The following PAK2 variants were observed in gnomAD, a reference collection of about 807,000 sequenced individuals.
PAK2 encodes the protein p21 (RAC1) activated kinase 2, also known as serine/threonine-protein kinase PAK 2.
PAK2 carries 21 observed loss-of-function variants against 65.9 expected under a neutral mutation model. That is an observed-to-expected ratio of 0.32 (90% CI 0.23 to 0.46). The LOEUF is 0.46. Ranked by LOEUF, PAK2 falls within the 20% of genes least tolerant of loss-of-function variation. PAK2 has a pLI of 1.00. For missense variants in PAK2, 324 were observed against 642.6 expected (o/e 0.50, Z 5.36); for synonymous variants, 204 against 219.7 (o/e 0.93, Z 0.63).
At chr3:196,751,741 CTT>C (rs200558658) in intron 1 of PAK2, among the ~76,000 whole-genome samples, 3,910 of 79,216 alleles carry the variant, frequency 0.049, 128 homozygotes, top group African/African-American at 0.11. Flanking sequence ...AAATGAATTT[CTT>C]TTTTTTTTTT....
Position 196,811,325 on chromosome 3 carries a change from TC to T in PAK2, c.773+675del, listed in dbSNP as rs1486338327. On this transcript the variant is annotated intron_variant, in intron 8 of 14. Transcript: ENST00000327134. ...CCTTCCTTCCCTTCCTTTCCTTCCT[TC>T]CCTTCCCTCCCTTCCCTCCCTTCCT... Among the ~76,000 whole-genome samples, 46 of 8,952 alleles carry T rather than the reference TC, an allele frequency of 5.1e-3. 1 individual carries two copies. Among genetic ancestry groups the T allele is most frequent in the African/African-American group, 7.5e-3 (12 of 1,604 alleles). 5.9% of individuals were successfully genotyped at this position (8,952 alleles called of 152,430 possible).
At chr3:196,759,461 T>A (rs954085063) in intron 1 of PAK2, among the ~76,000 whole-genome samples, 2 of 149,192 alleles carry the variant, frequency 1.3e-5, no homozygotes, top group Non-Finnish European at 3.0e-5. Flanking sequence ...TACAGTAAAA[T>A]TCACCCTTTA....
chr3:196,771,923 G>A (rs540431719), intron 1 of PAK2, among the ~76,000 whole-genome samples: 74 of 152,250 alleles, frequency 4.9e-4, no homozygotes, highest in Non-Finnish European at 7.6e-4. Context: ...CATTAATTCT[G>A]TCTAACACTA....
At chr3:196,740,775 TA>T (rs920616224) in intron 1 of PAK2, among the ~76,000 whole-genome samples, 1 of 152,214 alleles carries the variant, frequency 6.6e-6, no homozygotes, top group African/African-American at 2.4e-5. Context: ...AGCTTCAGCC[TA>T]GGGGTGAAAT....
At chr3:196,755,211 ATCAGTCTTGACC>A (rs1713728891) in intron 1 of PAK2, among the ~76,000 whole-genome samples, 1 of 152,196 alleles carries the variant, frequency 6.6e-6, no homozygotes, top group Non-Finnish European at 1.5e-5. Flanking sequence ...AAGTAGTAAC[ATCAGTCTTGACC>A]TTCATCTTTT....
intron 2 of PAK2, among the ~76,000 whole-genome samples, chr3:196,798,879 A>T (rs1312711053): frequency 6.6e-6 from 1 of 152,182 alleles, no homozygotes; most frequent in East Asian, 1.9e-4. Flanking sequence ...CTTGGAATAG[A>T]AGAGAATGCC....
At chr3:196,824,048 GATAGACAA>G (rs1459793168) in intron 13 of PAK2, among the ~76,000 whole-genome samples, 1 of 152,050 alleles carries the variant, frequency 6.6e-6, no homozygotes, top group Non-Finnish European at 1.5e-5. Flanking sequence ...CCAAGCTGAA[GATAGACAA>G]GGCCTCAAGA....
At chr3:196,747,177 TTTTTTGTTGTTAACAA>T (rs939150604) in intron 1 of PAK2, 2 of 151,972 alleles carry the variant, frequency 1.3e-5, no homozygotes, top group African/African-American at 4.8e-5. Flanking sequence ...CCTGCTTTTT[TTTTTTGTTGTTAACAA>T]TGTTAACATT....
intron 1 of PAK2, among the ~76,000 whole-genome samples, chr3:196,749,105 T>A (rs1343689459): frequency 6.6e-6 from 1 of 151,906 alleles, no homozygotes; most frequent in East Asian, 1.9e-4. Context: ...TGAATAGTAT[T>A]CCCATGTGTG....
chr3:196,745,480 G>C (rs1469255042), intron 1 of PAK2, among the ~76,000 whole-genome samples: 1 of 151,786 alleles, frequency 6.6e-6, no homozygotes, highest in Non-Finnish European at 1.5e-5. Context: ...GGGGATAAAA[G>C]AGTTTTAAAA....
intron 10 of PAK2, among the ~76,000 whole-genome samples, chr3:196,813,816 G>T (rs1479067698): frequency 6.6e-6 from 1 of 151,960 alleles, no homozygotes; most frequent in African/African-American, 2.4e-5. Flanking sequence ...TGGGCATGGT[G>T]CCGCACACCT....
chr3:196,754,804 A>C (rs1713716371), intron 1 of PAK2, among the ~76,000 whole-genome samples: 1 of 152,162 alleles, frequency 6.6e-6, no homozygotes, highest in African/African-American at 2.4e-5. Flanking sequence ...AATCTCCCTG[A>C]ATGTATGTTG....
chr3:196,804,072 T>C, intron 4 of PAK2, among the ~76,000 whole-genome samples: 1 of 152,184 alleles, frequency 6.6e-6, no homozygotes, highest in East Asian at 1.9e-4. Flanking sequence ...TCCCTCAGTT[T>C]AGATTTTGCT....
At chr3:196,773,129 G>T (rs1170344883) in intron 1 of PAK2, among the ~76,000 whole-genome samples, 1 of 152,186 alleles carries the variant, frequency 6.6e-6, no homozygotes, top group Admixed American at 6.6e-5. Flanking sequence ...TCGTGTCACA[G>T]TTAAACAGTG....
chr3:196,832,250 C>T lies in PAK2; in HGVS notation c.*3845C>T, dbSNP rs528881407. On this transcript the variant is annotated 3_prime_UTR_variant, in exon 15 of 15. Coordinates refer to ENST00000327134, the MANE Select transcript of PAK2 (RefSeq NM_002577.4). ...ACAGAAGTAATAAGAGAAACAGTTA[C>T]GTGTGGAATTCAACATCTTTGGTTG... The T allele has an allele frequency of 6.6e-6, 1 of 152,058 alleles. No individual in the cohort carries two copies. Among genetic ancestry groups the T allele is most frequent in the Non-Finnish European group, 1.5e-5 (1 of 68,022 alleles). 9.4% of individuals were successfully genotyped at this position (152,058 alleles called of 1,614,324 possible). A position where few individuals can be genotyped will look rare whatever the true frequency, so the allele number is the denominator to read the frequency against.
intron 1 of PAK2, among the ~76,000 whole-genome samples, chr3:196,782,163 G>A (rs1714733984): frequency 6.6e-6 from 1 of 152,038 alleles, no homozygotes; most frequent in South Asian, 2.1e-4. Flanking sequence ...GTAACTACAA[G>A]GTTGGAGTGA....
Position 196,774,403 on chromosome 3 carries a change from T to C in PAK2, c.-21-8223T>C, listed in dbSNP as rs185778182. ...TTAATCCTTTACAATCTTAATACCG[T>C]GTGAATTTGTTTTCCTGTGTAACTC... On this transcript the variant is annotated intron_variant, in intron 1 of 14. Coordinates refer to ENST00000327134, the MANE Select transcript of PAK2 (RefSeq NM_002577.4). 4.6e-5 allele frequency among the ~76,000 whole-genome samples: 7 copies of C among 152,284 alleles called. No homozygotes were observed. The East Asian group carries it at 1.3e-3, about 29-fold the overall frequency.
intron 5 of PAK2, among the ~76,000 whole-genome samples, chr3:196,806,191 G>T (rs549393587): frequency 6.6e-6 from 1 of 152,018 alleles, no homozygotes; most frequent in Non-Finnish European, 1.5e-5. Context: ...GATTACAGAC[G>T]TGAGCCACCA....
intron 1 of PAK2, among the ~76,000 whole-genome samples, chr3:196,742,317 A>G (rs931217163): frequency 6.6e-6 from 1 of 151,990 alleles, no homozygotes; most frequent in Non-Finnish European, 1.5e-5. Flanking sequence ...CGAACTCCCG[A>G]CCTCAGGTCA....
Sources: gnomAD v4.1 joint callset for allele counts (sites outside exome capture counted in the v4.1 genomes callset) on GRCh38, gnomAD v4.1.1 for gene constraint, MANE v1.5 for transcripts, NCBI Gene and HGNC (gene_info 2026-07-23, HGNC 2026-07-21) for gene names.